PADI2: variants seen among roughly 807,000 people sequenced by gnomAD.
PADI2 encodes the protein protein-arginine deiminase type-2.
PADI2 carries 70 observed loss-of-function variants against 81.1 expected under a neutral mutation model. That is an observed-to-expected ratio of 0.86 (90% CI 0.71 to 1.05). The LOEUF (loss-of-function observed/expected upper bound fraction) is 1.05. Among genes scored for constraint, PADI2 ranks in the 50% least tolerant of loss-of-function variants. The pLI is 0.00. For synonymous variants in PADI2, 338 were observed against 358.0 expected, an observed-to-expected ratio of 0.94 and a Z score of 0.63; for missense variants, 853 against 889.9, an observed-to-expected ratio of 0.96 and a Z score of 0.53.
In PADI2 at chr1:17,067,117, C is replaced by T. The variant is rs1055552796; in HGVS notation, c.*1927G>A. 1.3e-5 allele frequency: 2 copies of T among 151,010 alleles called. No individual in the cohort carries two copies. Among genetic ancestry groups the T allele is most frequent in the African/African-American group, 4.9e-5 (2 of 41,004 alleles). 9.4% of individuals were successfully genotyped at this position (151,010 alleles called of 1,614,324 possible). ...GAACTTCAGAAACATCAGAAATTAC[C>T]GACATCATTGGGGAAAGCCTTAGAA... is the stretch of plus-strand genomic sequence containing the variant. On this transcript the variant is annotated 3_prime_UTR_variant, in exon 16 of 16. Coordinates refer to ENST00000375486, the MANE Select transcript of PADI2 (RefSeq NM_007365.3).
chr1:17,075,832 G>C lies in PADI2; in HGVS notation c.1311-9C>G, dbSNP rs1402204377. The C allele has an allele frequency of 6.2e-7, 1 of 1,612,700 alleles. No individual in the cohort carries two copies. Among genetic ancestry groups the C allele is most frequent in the Non-Finnish European group, 8.5e-7 (1 of 1,179,552 alleles). ...TCCTCCGACCACCAGACCTGGAGAA[G>C]GGAGGAAGAGGAGTTTCAGCAAATT... is the stretch of plus-strand genomic sequence containing the variant. On this transcript the variant is annotated splice_polypyrimidine_tract_variant and intron_variant, in intron 11 of 15. Transcript: ENST00000375486.
intron 11 of PADI2, 73 bp downstream of exon 11, chr1:17,079,191 C>A (rs755129874): frequency 5.6e-6 from 8 of 1,437,650 alleles, no homozygotes; most frequent in East Asian, 2.3e-5. Context: ...TGTGAGCAAC[C>A]CAGGCCACCC....
At chr1:17,083,463 C>T (rs886452934) in intron 9 of PADI2, 11 of 438,898 alleles carry the variant, frequency 2.5e-5, no homozygotes, top group Admixed American at 7.7e-5. Context: ...TCCTTTTTAG[C>T]GGTTGCACAG....
At chr1:17,112,353 C>T (rs1931612294) in intron 1 of PADI2, among the ~76,000 whole-genome samples, 1 of 152,228 alleles carries the variant, frequency 6.6e-6, no homozygotes, top group African/African-American at 2.4e-5. Flanking sequence ...GGTGGCTCAC[C>T]AGCCCCAGAC....
intron 3 of PADI2, among the ~76,000 whole-genome samples, 164 bp from the exon 4 acceptor site, chr1:17,096,134 C>T (rs1171424968): frequency 6.6e-6 from 1 of 152,192 alleles, no homozygotes; most frequent in African/African-American, 2.4e-5. Flanking sequence ...CCTCAACATC[C>T]CACTACCCAC....
chr1:17,095,912 C>A lies in PADI2; in HGVS notation c.408G>T (p.Lys136Asn), dbSNP rs1930906583. 2 of 1,608,132 alleles carry A rather than the reference C, an allele frequency of 1.2e-6. No individual in the cohort carries two copies. The highest frequency in any genetic ancestry group is 1.7e-6 in the Non-Finnish European group (2 of 1,177,174). ...GCCTGCCCTGAAAGCTAGGTACCTT[C>A]TTTGGGTTGTTCTTCTCCACCACAC... is the stretch of plus-strand genomic sequence containing the variant. ...RDGVVEKNNP[K>N]KASWTWGPEG... Residue 136 changes from lysine (K) to asparagine (N), a missense_variant, in exon 4 of 16, where the codon AAG becomes AAT. Transcript: ENST00000375486.
chr1:17,098,986 C>A (rs1931046038), intron 3 of PADI2, among the ~76,000 whole-genome samples: 1 of 152,188 alleles, frequency 6.6e-6, no homozygotes, highest in Non-Finnish European at 1.5e-5. Context: ...GACGACATTT[C>A]CCAGAGGCTC....
intron 2 of PADI2, 121 bp downstream of exon 2, chr1:17,104,757 A>T: frequency 1.2e-6 from 1 of 825,792 alleles, no homozygotes; most frequent in Non-Finnish European, 1.8e-6. Context: ...CAATGTGGTT[A>T]CTGCAGAACT....
intron 1 of PADI2, among the ~76,000 whole-genome samples, chr1:17,111,969 T>TGAG (rs1331077876): frequency 1.3e-5 from 2 of 151,820 alleles, no homozygotes; most frequent in Non-Finnish European, 1.5e-5. Flanking sequence ...TAGATAATGG[T>TGAG]GAGGAGCTGG....
At chr1:17,070,511 C>G (rs926355030) in intron 14 of PADI2, among the ~76,000 whole-genome samples, 1 of 152,230 alleles carries the variant, frequency 6.6e-6, no homozygotes, top group Non-Finnish European at 1.5e-5. Context: ...ACCTCAGTGA[C>G]CCCTCGGGCC....
intron 1 of PADI2, among the ~76,000 whole-genome samples, chr1:17,109,830 T>G (rs1272857879): frequency 6.6e-6 from 1 of 152,166 alleles, no homozygotes; most frequent in Admixed American, 6.5e-5. Flanking sequence ...TATATTGAGC[T>G]TCTGCACACA....
intron 10 of PADI2, among the ~76,000 whole-genome samples, chr1:17,080,093 T>G (rs2078333248): frequency 6.6e-6 from 1 of 152,084 alleles, no homozygotes; most frequent in South Asian, 2.1e-4. Flanking sequence ...GCCCAGCCCG[T>G]TTCCCCATCT....
intron 4 of PADI2, among the ~76,000 whole-genome samples, chr1:17,095,657 T>C (rs1930894953): frequency 6.6e-6 from 1 of 152,158 alleles, no homozygotes; most frequent in Non-Finnish European, 1.5e-5. Context: ...CATTTATCCT[T>C]CCCAGCAGTT....
At chr1:17,081,872 G>A (rs184913740) in intron 10 of PADI2, among the ~76,000 whole-genome samples, 1 of 152,268 alleles carries the variant, frequency 6.6e-6, no homozygotes, top group East Asian at 1.9e-4. Context: ...CAGCACTTTG[G>A]GAGGCCAAGG....
At position 17,092,446 on chromosome 1, in the gene PADI2, A is replaced by G; in HGVS notation, c.617T>C (p.Met206Thr). ...CACGCCCACTTTGTCTGAGTCTGACATGGAAATGTACAGAACTATCTCGTA... is the reference window on the plus strand; with the variant it reads ...CACGCCCACTTTGTCTGAGTCTGACGTGGAAATGTACAGAACTATCTCGTA... ...AGYEIVLYIS[M>T]SDSDKVGVFY... Residue 206 changes from methionine (M) to threonine (T), a missense_variant, in exon 6 of 16, where the codon ATG (methionine) becomes ACG (threonine). Physicochemically the swap from Met to Thr is moderately conservative, Grantham distance 81. Coordinates refer to ENST00000375486, the MANE Select transcript of PADI2 (RefSeq NM_007365.3). 2 of 1,607,462 alleles carry G rather than the reference A, an allele frequency of 1.2e-6. No individual in the cohort carries two copies. The highest frequency in any genetic ancestry group is 2.2e-5 in the South Asian group (2 of 90,540).
intron 11 of PADI2, among the ~76,000 whole-genome samples, chr1:17,078,608 G>A (rs1161456531): frequency 2.6e-5 from 4 of 151,620 alleles, no homozygotes; most frequent in Admixed American, 2.6e-4. Context: ...GGCTGGTCTC[G>A]AACTTCTGGT....
chr1:17,102,896 G>A lies in PADI2; in HGVS notation c.349+91C>T, dbSNP rs138398582. Reference sequence around the variant, plus strand: ...AGAAGCTCCAAGTGCCAGGTCAGCCGCACTGAGAACCGCCTAAGTGCCCCA... The same window carrying A: ...AGAAGCTCCAAGTGCCAGGTCAGCCACACTGAGAACCGCCTAAGTGCCCCA... On this transcript the variant is annotated intron_variant, in intron 3 of 15. Coordinates refer to ENST00000375486, the MANE Select transcript of PADI2 (RefSeq NM_007365.3). The A allele has an allele frequency of 3.8e-3, 3,482 of 913,756 alleles. 67 individuals carry two copies. In the East Asian group the frequency reaches 0.051, roughly 13 times the overall value. 56.6% of individuals were successfully genotyped at this position (913,756 alleles called of 1,614,324 possible). A position where few individuals can be genotyped will look rare whatever the true frequency, so the allele number is the denominator to read the frequency against.
rs1931196414 is a variant in PADI2, at chr1:17,102,866, T to C, written c.349+121A>G. ...ACATCCCTCCCCAGGCCTGTGCCAT[T>C]CAGAAGAAGCTCCAAGTGCCAGGTC... is the stretch of plus-strand genomic sequence containing the variant. On this transcript the variant is annotated intron_variant, in intron 3 of 15. Transcript: ENST00000375486. 4.2e-6 allele frequency: 3 copies of C among 713,118 alleles called. No homozygotes were observed. In the African/African-American group the frequency reaches 5.3e-5, roughly 13 times the overall value. 44.2% of individuals were successfully genotyped at this position (713,118 alleles called of 1,614,324 possible).
chr1:17,113,971 C>A (rs1418537207), intron 1 of PADI2, among the ~76,000 whole-genome samples: 1 of 152,216 alleles, frequency 6.6e-6, no homozygotes, highest in Non-Finnish European at 1.5e-5. Flanking sequence ...GGACTGTGAG[C>A]CTGGTTCTCC....
Sources: gnomAD v4.1 joint callset for allele counts (sites outside exome capture counted in the v4.1 genomes callset) on GRCh38, gnomAD v4.1.1 for gene constraint, MANE v1.5 for transcripts, NCBI Gene and HGNC (gene_info 2026-07-23, HGNC 2026-07-21) for gene names.